POTEJ: variants seen among roughly 807,000 people sequenced by gnomAD.
The protein encoded by POTEJ is POTE ankyrin domain family, member J.
A neutral mutation model predicts 69.0 loss-of-function variants in POTEJ; 11 were observed. The observed-to-expected ratio is 0.16, with a 90% CI of 0.10 to 0.26. The LOEUF (loss-of-function observed/expected upper bound fraction) is 0.26. Ranked by LOEUF, POTEJ falls within the 10% of genes least tolerant of loss-of-function variation. POTEJ has a pLI of 1.00. For missense variants in POTEJ, 327 were observed against 1,045.5 expected, an observed-to-expected ratio of 0.31 and a Z score of 9.48; for synonymous variants, 117 against 381.1, an observed-to-expected ratio of 0.31 and a Z score of 8.07.
At chr2:130,643,596 G>T (rs902471143) in intron 10 of POTEJ, among the ~76,000 whole-genome samples, 2 of 144,604 alleles carry the variant, frequency 1.4e-5, no homozygotes, top group African/African-American at 2.5e-5. Flanking sequence ...GGAAGATGTT[G>T]TACACTAATA....
At chr2:130,639,188 A>C (rs71236643) in intron 10 of POTEJ, among the ~76,000 whole-genome samples, 1 of 145,320 alleles carries the variant, frequency 6.9e-6, no homozygotes, top group East Asian at 2.0e-4. Flanking sequence ...CCTGTGTGGC[A>C]TGGTTCCTAA....
chr2:130,650,077 C>G (rs78202438), intron 13 of POTEJ, among the ~76,000 whole-genome samples: 20,288 of 147,352 alleles, frequency 0.14, 1,206 homozygotes, highest in African/African-American at 0.35. Flanking sequence ...CGTCAGGCTT[C>G]AGATTCAATT....
chr2:130,641,813 T>C (rs1341723933), intron 10 of POTEJ, among the ~76,000 whole-genome samples: 2 of 152,216 alleles, frequency 1.3e-5, no homozygotes, highest in Non-Finnish European at 2.9e-5. Flanking sequence ...TGACTCTCAG[T>C]AATAAGACTT....
In POTEJ at chr2:130,613,370, A is replaced by ATG. The variant is rs71212139; in HGVS notation, c.410+1442_410+1443dup. 7.2e-3 allele frequency among the ~76,000 whole-genome samples: 873 copies of ATG among 120,918 alleles called. 46 individuals carry two copies. Among genetic ancestry groups the ATG allele is most frequent in the Middle Eastern group, 0.013 (3 of 230 alleles). 79.3% of individuals were successfully genotyped at this position (120,918 alleles called of 152,430 possible). A position where few individuals can be genotyped will look rare whatever the true frequency, so the allele number is the denominator to read the frequency against. On this transcript the variant is annotated intron_variant, in intron 1 of 14. Transcript: ENST00000409602. ...TGTGTGTGTATATATATACATATAT[A>ATG]TGTGTGTGTGTGTGTATATATATAT...
At chr2:130,637,175 G>A (rs1431487316) in intron 9 of POTEJ, among the ~76,000 whole-genome samples, 1 of 150,086 alleles carries the variant, frequency 6.7e-6, no homozygotes, top group Admixed American at 6.7e-5. Context: ...TTTATAATAA[G>A]CTACATTGTT....
At chr2:130,629,135 C>A (rs1685816203) in intron 6 of POTEJ, among the ~76,000 whole-genome samples, 1 of 151,636 alleles carries the variant, frequency 6.6e-6, no homozygotes, top group African/African-American at 2.4e-5. Context: ...TTTTTGAAAT[C>A]ATTTGTAAGG....
At chr2:130,637,530 C>A (rs1686144194) in intron 9 of POTEJ, among the ~76,000 whole-genome samples, 1 of 151,756 alleles carries the variant, frequency 6.6e-6, no homozygotes, top group Admixed American at 6.6e-5. Context: ...TGCTGAGTAG[C>A]TTTAAGGAAA....
intron 9 of POTEJ, among the ~76,000 whole-genome samples, chr2:130,633,048 C>T (rs1685965588): frequency 6.9e-6 from 1 of 145,472 alleles, no homozygotes; most frequent in Non-Finnish European, 1.5e-5. Context: ...CGCGACGCTC[C>T]ACCTTCAAGT....
chr2:130,632,732 A>T lies in POTEJ; in HGVS notation c.1298+76A>T, dbSNP rs578178348. 129 of 1,119,532 alleles carry T rather than the reference A, an allele frequency of 1.2e-4. No homozygotes were observed. In the East Asian group the frequency reaches 3.0e-3, roughly 26 times the overall value. The allele number at this position is 1,119,532 out of a possible 1,614,324, so 69.3% of individuals were successfully genotyped here. ...ACCCTAGTTTGGGCTAATATTCATG[A>T]TGAACAAATTTTATAGTTTTACTAG... On this transcript the variant is annotated intron_variant, in intron 9 of 14. Transcript: ENST00000409602.
chr2:130,639,332 C>T (rs1183552480), intron 10 of POTEJ, among the ~76,000 whole-genome samples: 2 of 152,312 alleles, frequency 1.3e-5, no homozygotes, highest in Non-Finnish European at 2.9e-5. Context: ...GGTCATGTTA[C>T]ATATGCTTGT....
At position 130,657,436 on chromosome 2, in the gene POTEJ, G is replaced by C. The variant is rs541800176; in HGVS notation, c.2676G>C (p.Met892Ile). Residue 892 changes from methionine to isoleucine, a missense_variant, in exon 15 of 15, where the codon ATG becomes ATC. Transcript: ENST00000409602. ...VALDFEQEMAMVASSSSLEKS... is the reference protein window; with the variant it reads ...VALDFEQEMAIVASSSSLEKS... ...TGGACTTCGAGCAGGAGATGGCCAT[G>C]GTGGCCTCCAGCTCCTCCCTAGAGA... is the stretch of plus-strand genomic sequence containing the variant. 2.3e-5 allele frequency: 37 copies of C among 1,599,688 alleles called. No individual in the cohort carries two copies. Among genetic ancestry groups the C allele is most frequent in the Non-Finnish European group, 5.1e-6 (6 of 1,171,920 alleles).
intron 1 of POTEJ, among the ~76,000 whole-genome samples, chr2:130,613,270 A>G (rs62164883): frequency 2.2e-4 from 12 of 55,452 alleles, no homozygotes; most frequent in South Asian, 5.3e-4. Context: ...ATATACATAT[A>G]TATACATATG....
chr2:130,618,774 C>CTTTTTTTTTTTTTT (rs1204750696), intron 3 of POTEJ, among the ~76,000 whole-genome samples: 1 of 32,218 alleles, frequency 3.1e-5, no homozygotes, highest in Non-Finnish European at 5.0e-5. Context: ...ATTAATCTGA[C>CTTTTTTTTTTTTTT]TTTTTTTTTT....
intron 10 of POTEJ, among the ~76,000 whole-genome samples, chr2:130,640,679 C>A (rs1401387581): frequency 4.6e-5 from 7 of 151,866 alleles, no homozygotes; most frequent in Non-Finnish European, 8.8e-5. Context: ...AACTTAGAAG[C>A]ATGCAAGGGG....
chr2:130,655,423 G>A (rs1237614951), intron 14 of POTEJ, among the ~76,000 whole-genome samples: 1 of 152,236 alleles, frequency 6.6e-6, no homozygotes, highest in Admixed American at 6.5e-5. Flanking sequence ...TAAGAAAGTA[G>A]GAAATGTACA....
chr2:130,648,467 T>C (rs1186623255), intron 13 of POTEJ, among the ~76,000 whole-genome samples: 14 of 139,910 alleles, frequency 1.0e-4, no homozygotes, highest in Non-Finnish European at 1.5e-4. Flanking sequence ...ACTCTTGATC[T>C]CAATGCCGGT....
chr2:130,625,552 GAGA>G (rs1685676417), intron 6 of POTEJ, among the ~76,000 whole-genome samples: 1 of 151,462 alleles, frequency 6.6e-6, no homozygotes, highest in African/African-American at 2.5e-5. Flanking sequence ...CATGCAGAGA[GAGA>G]AGAATTTTTC....
At chr2:130,639,370 T>G (rs1686248195) in intron 10 of POTEJ, among the ~76,000 whole-genome samples, 1 of 152,308 alleles carries the variant, frequency 6.6e-6, no homozygotes, top group African/African-American at 2.4e-5. Context: ...ATTACTGACT[T>G]CATTCCTCCT....
At chr2:130,613,299 CATATGT>C (rs1343369127) in intron 1 of POTEJ, among the ~76,000 whole-genome samples, 5 of 101,530 alleles carry the variant, frequency 4.9e-5, no homozygotes, top group Admixed American at 2.0e-4. Flanking sequence ...CATATATATA[CATATGT>C]ATATATACAT....
Sources: gnomAD v4.1 joint callset for allele counts (sites outside exome capture counted in the v4.1 genomes callset) on GRCh38, gnomAD v4.1.1 for gene constraint, MANE v1.5 for transcripts, NCBI Gene and HGNC (gene_info 2026-07-23, HGNC 2026-07-21) for gene names.